Variants in DHX9 observed in about 807,000 individuals in gnomAD.
The protein encoded by DHX9 is ATP-dependent RNA helicase A.
A neutral mutation model predicts 148.7 loss-of-function variants in DHX9; 27 were observed. The observed-to-expected ratio is 0.18, with a 90% CI of 0.13 to 0.25. The LOEUF (loss-of-function observed/expected upper bound fraction) is 0.25, where lower values mean the gene tolerates loss of function less well. Ranked by LOEUF, DHX9 falls within the 10% of genes least tolerant of loss-of-function variation. The pLI is 1.00. For synonymous variants in DHX9, 529 were observed against 516.6 expected, an observed-to-expected ratio of 1.02 and a Z score of -0.33; for missense variants, 796 against 1,559.6, an observed-to-expected ratio of 0.51 and a Z score of 8.25.
At chr1:182,858,995 G>T in intron 10 of DHX9, 45 bp from the exon 11 acceptor site, 2 of 1,611,738 alleles carry the variant, frequency 1.2e-6, no homozygotes, top group South Asian at 1.1e-5. Context: ...TTTTGAAGCT[G>T]AATTATGTGC....
At chr1:182,880,656 A>G in intron 22 of DHX9, 48 bp downstream of exon 22, 1 of 1,266,272 alleles carries the variant, frequency 7.9e-7, no homozygotes, top group Non-Finnish European at 1.2e-6. Flanking sequence ...GAATAATTTC[A>G]GAATCTTCTC....
intron 3 of DHX9, among the ~76,000 whole-genome samples, chr1:182,851,649 A>G (rs977076649): frequency 2.6e-5 from 4 of 152,234 alleles, no homozygotes; most frequent in African/African-American, 9.6e-5. Context: ...CCATGTGGTT[A>G]GATGGGTTTA....
At chr1:182,873,567 A>G (rs1648635447) in intron 15 of DHX9, among the ~76,000 whole-genome samples, 1 of 152,242 alleles carries the variant, frequency 6.6e-6, no homozygotes, top group Non-Finnish European at 1.5e-5. Context: ...TGGGATTGCT[A>G]GAACAAACCG....
chr1:182,880,663 TCTC>T lies in DHX9; in HGVS notation c.2624+60_2624+62del, dbSNP rs565345898. ...AAGTGGCAGAATAATTTCAGAATCTTCTCCTCCCTGTAAAAGCAGTATTGGCTC... is the reference window on the plus strand; with the variant it reads ...AAGTGGCAGAATAATTTCAGAATCTTCTCCCTGTAAAAGCAGTATTGGCTC... On this transcript the variant is annotated intron_variant, in intron 22 of 27. Coordinates refer to ENST00000367549, the MANE Select transcript of DHX9 (RefSeq NM_001357.5). 3.8e-4 allele frequency: 464 copies of T among 1,211,662 alleles called. 5 individuals are homozygous for T. In the East Asian group the frequency reaches 0.01, roughly 27 times the overall value. 75.1% of individuals were successfully genotyped at this position (1,211,662 alleles called of 1,614,324 possible).
At chr1:182,846,052 G>A (rs1222681527) in intron 3 of DHX9, among the ~76,000 whole-genome samples, 1 of 152,116 alleles carries the variant, frequency 6.6e-6, no homozygotes, top group African/African-American at 2.4e-5. Context: ...GCTGGGAGGT[G>A]GGACCGAAAG....
chr1:182,839,652 C>G (rs1304534778), intron 1 of DHX9, 196 bp downstream of exon 1: 1 of 152,100 alleles, frequency 6.6e-6, no homozygotes, highest in South Asian at 2.1e-4. Context: ...CTTGCGCCGT[C>G]CGGGCAGCCT....
chr1:182,852,145 C>T (rs1257922624), intron 3 of DHX9, 88 bp from the exon 4 acceptor site: 1 of 728,802 alleles, frequency 1.4e-6, no homozygotes, highest in Admixed American at 2.8e-5. Context: ...GGAGGTATGA[C>T]ACATGGGTCC....
chr1:182,853,152 C>T (rs897179199), intron 4 of DHX9, among the ~76,000 whole-genome samples, 154 bp from the exon 5 acceptor site: 2 of 151,986 alleles, frequency 1.3e-5, no homozygotes, highest in Admixed American at 6.5e-5. Context: ...GTCTCAAACT[C>T]CTGACCACAC....
chr1:182,875,434 T>A (rs1557977007), intron 16 of DHX9, among the ~76,000 whole-genome samples: 1 of 152,162 alleles, frequency 6.6e-6, no homozygotes, highest in Non-Finnish European at 1.5e-5. Flanking sequence ...AGACCGGTGA[T>A]GACATTATCA....
Position 182,879,304 on chromosome 1 carries a change from T to G in DHX9, c.2406T>G (p.Ala802=). 6.5e-7 allele frequency: 1 copy of G among 1,544,644 alleles called. No homozygotes were observed. Among genetic ancestry groups the G allele is most frequent in the Non-Finnish European group, 8.9e-7 (1 of 1,129,460 alleles). Residue 802 remains alanine (A), a synonymous_variant, in exon 21 of 28, where the codon GCT becomes GCG. Coordinates refer to ENST00000367549, the MANE Select transcript of DHX9 (RefSeq NM_001357.5). ...TCCGAACACCATTGCATGAAATTGC[T>G]CTTAGCATAAAACTTCTGCGTCTAG... ...EMFRTPLHEI[A]LSIKLLRLGG...
rs367664914 is a variant in DHX9 at position 182,882,893 on chromosome 1, A to G, written c.2915-246A>G. ...AAAAAAAAAAAAAGTAATCACCCCA[A>G]GCTTATTTATGGTTGAGTCTATAAG... On this transcript the variant is annotated intron_variant, in intron 24 of 27. Transcript: ENST00000367549. Among the ~76,000 whole-genome samples the G allele has an allele frequency of 3.7e-4, 56 of 151,924 alleles. No individual in the cohort carries two copies. The East Asian group carries it at 8.1e-3, about 22-fold the overall frequency.
chr1:182,887,523 C>A lies in DHX9; in HGVS notation c.*89C>A. On this transcript the variant is annotated 3_prime_UTR_variant, in exon 28 of 28. Transcript: ENST00000367549. ...TGTTTTTTCCAGTATGTTTATTTGC[C>A]ACCAAAAAGTAAATGCATTTTCACC... 8.2e-7 allele frequency: 1 copy of A among 1,219,112 alleles called. No individual in the cohort carries two copies. Among genetic ancestry groups the A allele is most frequent in the Non-Finnish European group, 1.1e-6 (1 of 877,728 alleles). 75.5% of individuals were successfully genotyped at this position (1,219,112 alleles called of 1,614,324 possible).
chr1:182,882,472 C>G (rs1260611156), intron 24 of DHX9, among the ~76,000 whole-genome samples: 1 of 152,214 alleles, frequency 6.6e-6, no homozygotes, highest in Non-Finnish European at 1.5e-5. Flanking sequence ...TCCATCTTCT[C>G]TACAACTAAC....
chr1:182,846,255 G>A (rs1421639425), intron 3 of DHX9, among the ~76,000 whole-genome samples: 1 of 124,540 alleles, frequency 8.0e-6, no homozygotes, highest in Non-Finnish European at 1.7e-5. Flanking sequence ...TTTTTTTTTT[G>A]AGATGGAGTT....
intron 13 of DHX9, 58 bp from the exon 14 acceptor site, chr1:182,866,903 T>C: frequency 7.7e-7 from 1 of 1,294,320 alleles, no homozygotes; most frequent in Non-Finnish European, 1.1e-6. Context: ...TAGATAATTG[T>C]CCATAGATTT....
At chr1:182,853,793 AT>A (rs377330722) in intron 5 of DHX9, among the ~76,000 whole-genome samples, 5,174 of 145,366 alleles carry the variant, frequency 0.036, 203 homozygotes, top group African/African-American at 0.094. Flanking sequence ...AGAAGTTGTC[AT>A]TTTTTTTTTT....
At chr1:182,852,643 T>G (rs1668175319) in intron 4 of DHX9, among the ~76,000 whole-genome samples, 1 of 152,254 alleles carries the variant, frequency 6.6e-6, no homozygotes. Flanking sequence ...TTCTTGTTCC[T>G]TATTCTTACT....
In DHX9 at chr1:182,881,503, A is replaced by T. The variant is rs202221886; in HGVS notation, c.2787-17A>T. The stretch of plus-strand genomic sequence containing the variant: ...CTCTGGTCTTAGAGAATGATTTCTC[A>T]TGCCAATTTATTTTAGAATGGGTGG... On this transcript the variant is annotated splice_polypyrimidine_tract_variant and intron_variant, in intron 23 of 27. Coordinates refer to ENST00000367549, the MANE Select transcript of DHX9 (RefSeq NM_001357.5). The T allele has an allele frequency of 7.8e-5, 125 of 1,607,748 alleles. No individual in the cohort carries two copies. The Admixed American group carries it at 1.3e-3, about 17-fold the overall frequency.
chr1:182,878,012 C>A lies in DHX9; in HGVS notation c.2199-9C>A, dbSNP rs544968862. 3.7e-6 allele frequency: 6 copies of A among 1,612,948 alleles called. No individual in the cohort carries two copies. In the African/African-American group the frequency reaches 4.0e-5, roughly 11 times the overall value. Reference sequence around the variant, plus strand: ...TGAGTCTTAGAATTAACCACTTTTTCCTATGTAGGCAGAAAGTGAAACTCT... The same window carrying A: ...TGAGTCTTAGAATTAACCACTTTTTACTATGTAGGCAGAAAGTGAAACTCT... On this transcript the variant is annotated splice_polypyrimidine_tract_variant and intron_variant, in intron 19 of 27. Coordinates refer to ENST00000367549, the MANE Select transcript of DHX9 (RefSeq NM_001357.5).
Sources: gnomAD v4.1 joint callset for allele counts (sites outside exome capture counted in the v4.1 genomes callset) on GRCh38, gnomAD v4.1.1 for gene constraint, MANE v1.5 for transcripts, NCBI Gene and HGNC (gene_info 2026-07-23, HGNC 2026-07-21) for gene names.